ARHGAP24: variants seen among roughly 807,000 people sequenced by gnomAD.
ARHGAP24 encodes Rho GTPase activating protein 24.
Under a neutral mutation model 76.4 loss-of-function variants are expected in ARHGAP24, and 50 were observed. That is an observed-to-expected ratio of 0.65 (90% CI 0.52 to 0.83). ARHGAP24 has a LOEUF of 0.83. ARHGAP24 is among the 40% of genes least tolerant of loss of function. ARHGAP24 has a pLI of 0.00. For missense variants in ARHGAP24, 930 were observed against 914.2 expected (o/e 1.02, Z -0.22); for synonymous variants, 345 against 323.3 (o/e 1.07, Z -0.72).
chr4:85,494,930 C>G (rs1477619678), intron 1 of ARHGAP24, among the ~76,000 whole-genome samples: 1 of 151,660 alleles, frequency 6.6e-6, no homozygotes, highest in East Asian at 2.0e-4. Flanking sequence ...AACTCCGTCT[C>G]TAATAAAAAT....
intron 3 of ARHGAP24, among the ~76,000 whole-genome samples, chr4:85,887,751 A>G (rs183343461): frequency 1.8e-4 from 27 of 152,320 alleles, no homozygotes; most frequent in Non-Finnish European, 2.4e-4. Flanking sequence ...CTGAAATACT[A>G]AAGAATCTAA....
At chr4:85,844,156 A>G (rs760003378) in intron 3 of ARHGAP24, among the ~76,000 whole-genome samples, 57 of 152,216 alleles carry the variant, frequency 3.7e-4, no homozygotes, top group Admixed American at 3.5e-3. Context: ...ATAAACTGTT[A>G]TTATACATCA....
intron 3 of ARHGAP24, among the ~76,000 whole-genome samples, chr4:85,907,828 C>G (rs1483154329): frequency 1.3e-5 from 2 of 152,122 alleles, no homozygotes; most frequent in Non-Finnish European, 2.9e-5. Context: ...AAAAATGATG[C>G]CTTGCTGCTA....
At position 85,664,836 on chromosome 4, in the gene ARHGAP24, T is replaced by G. The variant is rs913442370; in HGVS notation, c.181-57049T>G. ...AGCTGAGCAGTTTTGAGTGAGTTTC[T>G]TAATCCTGAGTTCTAGTTTGATTGC... is the stretch of plus-strand genomic sequence containing the variant. On this transcript the variant is annotated intron_variant, in intron 2 of 9. Coordinates refer to ENST00000395184, the MANE Select transcript of ARHGAP24 (RefSeq NM_001025616.3). Among the ~76,000 whole-genome samples, 11 of 152,340 alleles carry G rather than the reference T, an allele frequency of 7.2e-5. No homozygotes were observed. The East Asian group carries it at 1.2e-3, about 16-fold the overall frequency.
chr4:85,826,512 CTATT>C (rs1729719027), intron 3 of ARHGAP24, among the ~76,000 whole-genome samples: 1 of 152,188 alleles, frequency 6.6e-6, no homozygotes, highest in African/African-American at 2.4e-5. Flanking sequence ...ATCTCGAACT[CTATT>C]TATAGCCCAC....
intron 3 of ARHGAP24, among the ~76,000 whole-genome samples, chr4:85,899,096 T>TA (rs1256301056): frequency 6.6e-6 from 1 of 152,202 alleles, no homozygotes; most frequent in Admixed American, 6.5e-5. Context: ...GTTTTGCACT[T>TA]AAAAAATTAA....
At chr4:85,526,942 G>A (rs1725030134) in intron 1 of ARHGAP24, among the ~76,000 whole-genome samples, 1 of 152,056 alleles carries the variant, frequency 6.6e-6, no homozygotes, top group African/African-American at 2.4e-5. Context: ...CATTTGTTAT[G>A]TAACTTATTT....
chr4:85,486,937 G>A lies in ARHGAP24; in HGVS notation c.-21+11378G>A, dbSNP rs367788726. On this transcript the variant is annotated intron_variant, in intron 1 of 9. Transcript: ENST00000395184. ...CTGGCCTCCTCCTGCATCTGTATTGGCTTTGTAAATTCTGGGTCAGGCTAA... is the reference window on the plus strand; with the variant it reads ...CTGGCCTCCTCCTGCATCTGTATTGACTTTGTAAATTCTGGGTCAGGCTAA... 3.1e-4 allele frequency among the ~76,000 whole-genome samples: 47 copies of A among 151,752 alleles called. No homozygotes were observed. In the Middle Eastern group the frequency reaches 0.01, roughly 33 times the overall value.
At chr4:85,601,526 C>CG (rs1318859459) in intron 2 of ARHGAP24, among the ~76,000 whole-genome samples, 2 of 152,130 alleles carry the variant, frequency 1.3e-5, no homozygotes, top group Admixed American at 6.6e-5. Context: ...GCATCCCTGG[C>CG]TTCTACGCGC....
intron 2 of ARHGAP24, among the ~76,000 whole-genome samples, chr4:85,599,253 GAC>G (rs1206254514): frequency 6.6e-6 from 1 of 152,110 alleles, no homozygotes; most frequent in African/African-American, 2.4e-5. Flanking sequence ...ATGAAAGGCT[GAC>G]ACTTCATTTC....
chr4:85,825,025 G>A (rs1236817009), intron 3 of ARHGAP24, among the ~76,000 whole-genome samples: 1 of 152,096 alleles, frequency 6.6e-6, no homozygotes, highest in African/African-American at 2.4e-5. Context: ...GGGAGGCGGA[G>A]GTTGCAGTGA....
intron 2 of ARHGAP24, among the ~76,000 whole-genome samples, chr4:85,634,911 T>A (rs1467554125): frequency 4.0e-5 from 6 of 151,812 alleles, no homozygotes; most frequent in Admixed American, 3.9e-4. Flanking sequence ...CAAGTAAACA[T>A]ACCCACACCT....
At chr4:85,883,365 A>G (rs1733365334) in intron 3 of ARHGAP24, among the ~76,000 whole-genome samples, 3 of 152,208 alleles carry the variant, frequency 2.0e-5, no homozygotes, top group Admixed American at 2.0e-4. Context: ...TGCTTGTAAA[A>G]TATTTTATGG....
chr4:85,545,648 C>T (rs1725894471), intron 1 of ARHGAP24, among the ~76,000 whole-genome samples: 3 of 152,090 alleles, frequency 2.0e-5, no homozygotes, highest in Admixed American at 2.0e-4. Context: ...GCAGAAAGTT[C>T]ACATGGAAGG....
In ARHGAP24 at chr4:85,991,931, A is replaced by T. The variant is rs975421768; in HGVS notation, c.929-2652A>T. 8 of 385,680 alleles carry T rather than the reference A, an allele frequency of 2.1e-5. No individual in the cohort carries two copies. The South Asian group carries it at 5.8e-4, about 28-fold the overall frequency. 23.9% of individuals were successfully genotyped at this position (385,680 alleles called of 1,614,324 possible). A position where few individuals can be genotyped will look rare whatever the true frequency, so the allele number is the denominator to read the frequency against. On this transcript the variant is annotated intron_variant, in intron 8 of 9. Coordinates refer to ENST00000395184, the MANE Select transcript of ARHGAP24 (RefSeq NM_001025616.3). ...TTTTGCATTTACATATTATATTTAA[A>T]GTCCCTAGGTTTTTTTTAAAGAAAA...
At chr4:85,599,693 A>G (rs956910715) in intron 2 of ARHGAP24, among the ~76,000 whole-genome samples, 1 of 152,162 alleles carries the variant, frequency 6.6e-6, no homozygotes, top group African/African-American at 2.4e-5. Context: ...TATTATATGT[A>G]ACACATATTC....
intron 1 of ARHGAP24, among the ~76,000 whole-genome samples, chr4:85,529,991 T>A (rs1725190953): frequency 6.6e-6 from 1 of 151,998 alleles, no homozygotes; most frequent in Admixed American, 6.6e-5. Context: ...AGAGTGATAT[T>A]CAATTAATAT....
At chr4:85,930,230 T>A in intron 4 of ARHGAP24, 1 of 985,056 alleles carries the variant, frequency 1.0e-6, no homozygotes, top group African/African-American at 1.7e-5. Flanking sequence ...CCAAAGAGCC[T>A]CTTGGAATGG....
chr4:85,487,492 ATATT>A (rs1723132328), intron 1 of ARHGAP24, among the ~76,000 whole-genome samples: 2 of 107,518 alleles, frequency 1.9e-5, no homozygotes, highest in East Asian at 5.7e-4. Context: ...ATATAAACAT[ATATT>A]TATTACATAT....
Sources: gnomAD v4.1 joint callset for allele counts (sites outside exome capture counted in the v4.1 genomes callset) on GRCh38, gnomAD v4.1.1 for gene constraint, MANE v1.5 for transcripts, NCBI Gene and HGNC (gene_info 2026-07-23, HGNC 2026-07-21) for gene names.